Variants in HMCN2 observed in about 807,000 individuals in gnomAD.
The protein encoded by HMCN2 is hemicentin 2, also known as hemicentin-2.
A neutral mutation model predicts 377.5 loss-of-function variants in HMCN2; 325 were observed. The ratio of observed to expected loss-of-function variants is 0.86; its 90% CI spans 0.79 to 0.94. HMCN2 has a LOEUF of 0.94. Among genes scored for constraint, HMCN2 ranks in the 40% least tolerant of loss-of-function variants. The pLI is 0.00. For missense variants in HMCN2, 4,543 were observed against 4,725.3 expected, an observed-to-expected ratio of 0.96 and a Z score of 1.13; for synonymous variants, 2,007 against 2,046.8, an observed-to-expected ratio of 0.98 and a Z score of 0.53.
chr9:130,302,272 T>A (rs1554934724), intron 8 of HMCN2, among the ~76,000 whole-genome samples: 1 of 152,174 alleles, frequency 6.6e-6, no homozygotes, highest in African/African-American at 2.4e-5. Context: ...GGTCTTGAAC[T>A]CCTGACCTCA....
At chr9:130,331,786 T>C (rs1169973470) in intron 22 of HMCN2, among the ~76,000 whole-genome samples, 2 of 152,194 alleles carry the variant, frequency 1.3e-5, no homozygotes, top group Non-Finnish European at 2.9e-5. Flanking sequence ...ATGGGACGGC[T>C]GTGAGCACTC....
At chr9:130,413,319 C>A (rs1843521232) in intron 85 of HMCN2, among the ~76,000 whole-genome samples, 1 of 152,194 alleles carries the variant, frequency 6.6e-6, no homozygotes, top group Non-Finnish European at 1.5e-5. Flanking sequence ...GCCATCCTTG[C>A]CTGGTTCCCT....
At chr9:130,429,856 A>T in intron 94 of HMCN2, 171 bp downstream of exon 94, 1 of 1,271,630 alleles carries the variant, frequency 7.9e-7, no homozygotes, top group Non-Finnish European at 1.0e-6. Flanking sequence ...TCTGAGAATA[A>T]CCAAACAGCA....
chr9:130,311,406 G>A (rs1275407666), intron 15 of HMCN2, among the ~76,000 whole-genome samples: 4 of 152,266 alleles, frequency 2.6e-5, no homozygotes, highest in South Asian at 2.1e-4. Context: ...CACTTGTTCC[G>A]TCTTTCATTC....
Position 130,419,057 on chromosome 9 carries a change from G to A in HMCN2, c.13231+16G>A. The A allele has an allele frequency of 1.3e-6, 2 of 1,481,590 alleles. No homozygotes were observed. Among genetic ancestry groups the A allele is most frequent in the Non-Finnish European group, 1.8e-6 (2 of 1,111,526 alleles). The allele number at this position is 1,481,590 out of a possible 1,614,324, so 91.8% of individuals were successfully genotyped here. On this transcript the variant is annotated intron_variant, in intron 86 of 97. Coordinates refer to ENST00000683500, the MANE Select transcript of HMCN2 (RefSeq NM_001291815.2). ...GTCGTGAGAGGTATGGGGCATCCCT[G>A]TCTGGACCTTCGTGGACAGAGGCAG... is the stretch of plus-strand genomic sequence containing the variant.
rs1418474892 is a variant in HMCN2 at position 130,304,455 on chromosome 9, T to A, written c.1544-275T>A. Among the ~76,000 whole-genome samples the A allele has an allele frequency of 6.6e-6, 1 of 152,228 alleles. No individual in the cohort carries two copies. The highest frequency in any genetic ancestry group is 2.4e-5 in the African/African-American group (1 of 41,450). ...GCATGAAGATGGGTGTCCGGCTTGT[T>A]GCACATTGCACTGGCTGTATTTTGG... is the stretch of plus-strand genomic sequence containing the variant. On this transcript the variant is annotated intron_variant, in intron 10 of 97. Transcript: ENST00000683500. The surrounding 1 kb of genome is among the most constrained non-coding windows in gnomAD (Gnocchi z 4.3).
intron 96 of HMCN2, 136 bp from the exon 97 acceptor site, chr9:130,432,293 G>C: frequency 2.5e-6 from 2 of 789,016 alleles, no homozygotes; most frequent in East Asian, 2.7e-5. Flanking sequence ...TCATGGGTCA[G>C]ACTGGCTGGG....
intron 46 of HMCN2, among the ~76,000 whole-genome samples, chr9:130,371,619 C>T (rs1036075129): frequency 2.0e-5 from 3 of 152,224 alleles, no homozygotes; most frequent in African/African-American, 4.8e-5. Context: ...CTTCAAGGCC[C>T]CTGAGGCTAT....
chr9:130,377,907 C>G, intron 53 of HMCN2, 108 bp downstream of exon 53: 1 of 844,710 alleles, frequency 1.2e-6, no homozygotes. Flanking sequence ...ACGCGCCACC[C>G]GTGGCATCTC....
chr9:130,390,204 A>G (rs899184747), intron 62 of HMCN2, among the ~76,000 whole-genome samples: 1 of 152,126 alleles, frequency 6.6e-6, no homozygotes, highest in Non-Finnish European at 1.5e-5. Flanking sequence ...ACTACTGCTC[A>G]ACATTCACGT....
rs369255550 is a variant in HMCN2 at position 130,375,470 on chromosome 9, C to G, written c.7631-93C>G. The G allele has an allele frequency of 1.9e-5, 13 of 679,672 alleles. No homozygotes were observed. In the South Asian group the frequency reaches 7.3e-4, roughly 38 times the overall value. The allele number at this position is 679,672 out of a possible 1,614,324, so 42.1% of individuals were successfully genotyped here. ...TCTGTAATGTAACTGACAGAAGTAC[C>G]GAGGCCAAGCACCGGGGTCTGAGGC... On this transcript the variant is annotated intron_variant, in intron 49 of 97. Coordinates refer to ENST00000683500, the MANE Select transcript of HMCN2 (RefSeq NM_001291815.2).
intron 30 of HMCN2, among the ~76,000 whole-genome samples, chr9:130,352,613 T>G (rs1839795779): frequency 6.6e-6 from 1 of 152,088 alleles, no homozygotes; most frequent in Non-Finnish European, 1.5e-5. Flanking sequence ...ATTTCACAGA[T>G]GGGGAGACTG....
Position 130,433,948 on chromosome 9 carries a change from C to A in HMCN2, c.*255C>A. ...AGGCAGGGCCCGGGGAAGCCCGGAT[C>A]AGACCTCCAGGTCTGATCCGCCCCT... On this transcript the variant is annotated 3_prime_UTR_variant, in exon 98 of 98. Transcript: ENST00000683500. The A allele has an allele frequency of 2.3e-6, 1 of 431,232 alleles. No homozygotes were observed. The highest frequency in any genetic ancestry group is 4.1e-6 in the Non-Finnish European group (1 of 245,836). 26.7% of individuals were successfully genotyped at this position (431,232 alleles called of 1,614,324 possible). A position where few individuals can be genotyped will look rare whatever the true frequency, so the allele number is the denominator to read the frequency against.
intron 61 of HMCN2, among the ~76,000 whole-genome samples, chr9:130,386,886 G>T (rs1408777976): frequency 6.6e-6 from 1 of 152,248 alleles, no homozygotes; most frequent in South Asian, 2.1e-4. Flanking sequence ...ATGGAGCTTA[G>T]TAGAGTGACT....
At chr9:130,419,142 G>T (rs1843850815) in intron 86 of HMCN2, 101 bp downstream of exon 86, 23 of 1,164,350 alleles carry the variant, frequency 2.0e-5, no homozygotes, top group Non-Finnish European at 2.6e-5. Flanking sequence ...TGCCTTGCCA[G>T]CTCCCCACCT....
At chr9:130,343,864 G>A (rs1839196027) in intron 25 of HMCN2, among the ~76,000 whole-genome samples, 2 of 152,224 alleles carry the variant, frequency 1.3e-5, no homozygotes, top group Admixed American at 1.3e-4. Flanking sequence ...GGTTGGGACT[G>A]AGCCCAGCAC....
In HMCN2 at chr9:130,349,118, T is replaced by C. The variant is rs1209803052; in HGVS notation, c.4290T>C (p.His1430=). 1 of 1,304,032 alleles carries C rather than the reference T, an allele frequency of 7.7e-7. No individual in the cohort carries two copies. Among genetic ancestry groups the C allele is most frequent in the South Asian group, 1.2e-5 (1 of 81,018 alleles). The allele number at this position is 1,304,032 out of a possible 1,614,324, so 80.8% of individuals were successfully genotyped here. A position where few individuals can be genotyped will look rare whatever the true frequency, so the allele number is the denominator to read the frequency against. The change falls in exon 28 of 98, where the codon CAT becomes CAC. Residue 1430 remains histidine (H), a synonymous_variant. Transcript: ENST00000683500. ...NQAGTAQRDF[H]LLVLTPPSVL... ...CTGGCACCGCCCAGAGGGACTTCCA[T>C]CTCCTTGTGCTCAGTGAGTGAGACC...
In HMCN2 at chr9:130,354,976, G is replaced by T; in HGVS notation, c.5078G>T (p.Gly1693Val). Residue 1693 changes from glycine (G) to valine (V), a missense_variant, in exon 32 of 98, where the codon GGC becomes GTC. By Grantham distance (109) the Gly-to-Val change is moderately radical (BLOSUM62 -3). Around this residue, in one of 5 missense-constraint regions of HMCN2, gnomAD observed 1,032 missense variants for 1,285.1 expected, o/e 0.80. Transcript: ENST00000683500. ...GAGAGCCCGGGGGAGGCATCCAGTG[G>T]CCTGTACAGCTGTGTGGCCAGCAGT... ...RLESPGEASS[G>V]LYSCVASSPA... is the part of the protein sequence containing the mutation. The T allele has an allele frequency of 7.7e-7, 1 of 1,300,120 alleles. No homozygotes were observed. The allele number at this position is 1,300,120 out of a possible 1,614,324, so 80.5% of individuals were successfully genotyped here.
At position 130,410,443 on chromosome 9, in the gene HMCN2, A is replaced by G. The variant is rs978700021; in HGVS notation, c.12880-128A>G. The G allele has an allele frequency of 9.9e-6, 7 of 706,634 alleles. No homozygotes were observed. In the South Asian group the frequency reaches 1.1e-4, roughly 11 times the overall value. The allele number at this position is 706,634 out of a possible 1,614,324, so 43.8% of individuals were successfully genotyped here. On this transcript the variant is annotated intron_variant, in intron 84 of 97. Coordinates refer to ENST00000683500, the MANE Select transcript of HMCN2 (RefSeq NM_001291815.2). ...CCCTTCTGATGCTCTGCGGGGGATC[A>G]GGTGCCCCTGGCTGGTTCACAGCCT... is the stretch of plus-strand genomic sequence containing the variant.
Sources: gnomAD v4.1 joint callset for allele counts (sites outside exome capture counted in the v4.1 genomes callset) on GRCh38, gnomAD v4.1.1 for gene constraint, gnomAD v4.1.1 regional missense constraint, Gnocchi (gnomAD v3.1) non-coding constraint, MANE v1.5 for transcripts, NCBI Gene and HGNC (gene_info 2026-07-23, HGNC 2026-07-21) for gene names.